Variants in NRG3 observed in about 807,000 individuals in gnomAD.
NRG3 encodes the protein pro-neuregulin-3, membrane-bound isoform.
Under a neutral mutation model 66.9 loss-of-function variants are expected in NRG3, and 31 were observed. That is an observed-to-expected ratio of 0.46 (90% CI 0.35 to 0.63). The LOEUF is 0.63. NRG3 is among the 20% of genes least tolerant of loss of function. The pLI is 0.00. For missense variants in NRG3, 910 were observed against 878.9 expected (o/e 1.04, Z -0.45); for synonymous variants, 393 against 359.4 (o/e 1.09, Z -1.06).
chr10:81,879,331 T>C (rs1225595236), intron 1 of NRG3, among the ~76,000 whole-genome samples: 1 of 152,226 alleles, frequency 6.6e-6, no homozygotes, highest in Non-Finnish European at 1.5e-5. Context: ...AGGAGGTCAC[T>C]ACAGACAGTA....
At chr10:82,801,564 G>A (rs973846777) in intron 3 of NRG3, among the ~76,000 whole-genome samples, 13 of 152,110 alleles carry the variant, frequency 8.5e-5, no homozygotes, top group African/African-American at 3.1e-4. Context: ...GGTATCCACA[G>A]AGTTCATAAT....
chr10:82,612,720 G>C (rs987811460), intron 2 of NRG3, among the ~76,000 whole-genome samples: 2 of 151,968 alleles, frequency 1.3e-5, no homozygotes, highest in Admixed American at 6.6e-5. Context: ...TTTCTTCTTA[G>C]ATTTGCTACA....
At chr10:82,008,182 G>A (rs188731467) in intron 1 of NRG3, among the ~76,000 whole-genome samples, 17 of 152,234 alleles carry the variant, frequency 1.1e-4, no homozygotes, top group Non-Finnish European at 2.2e-4. Flanking sequence ...CAATCCGATG[G>A]TTACTCTGAA....
intron 4 of NRG3, among the ~76,000 whole-genome samples, chr10:82,916,839 C>T (rs577103718): frequency 6.6e-6 from 1 of 152,304 alleles, no homozygotes; most frequent in Admixed American, 6.5e-5. Flanking sequence ...TGGTCACAAA[C>T]TCCTGACCTC....
chr10:82,918,349 G>T (rs1846089071), intron 4 of NRG3, among the ~76,000 whole-genome samples: 1 of 152,222 alleles, frequency 6.6e-6, no homozygotes, highest in Non-Finnish European at 1.5e-5. Context: ...CTAGAAGACT[G>T]TCAGCAGGTA....
chr10:82,698,120 T>C (rs1012077924), intron 2 of NRG3, among the ~76,000 whole-genome samples: 7 of 152,190 alleles, frequency 4.6e-5, no homozygotes, highest in Admixed American at 3.9e-4. Flanking sequence ...TTCCTACCTA[T>C]GGTGAAACAT....
At chr10:82,596,741 TG>T (rs1428559865) in intron 2 of NRG3, among the ~76,000 whole-genome samples, 34 of 152,188 alleles carry the variant, frequency 2.2e-4, no homozygotes, top group Non-Finnish European at 4.3e-4. Flanking sequence ...TAAGACAATC[TG>T]AGAGTGGAGG....
chr10:82,106,939 T>A (rs2067103821), intron 1 of NRG3, among the ~76,000 whole-genome samples: 1 of 152,172 alleles, frequency 6.6e-6, no homozygotes, highest in Non-Finnish European at 1.5e-5. Flanking sequence ...TTTAATATAG[T>A]CCCATTTGGT....
chr10:82,214,302 A>G (rs2075555320), intron 1 of NRG3, among the ~76,000 whole-genome samples: 1 of 152,128 alleles, frequency 6.6e-6, no homozygotes, highest in African/African-American at 2.4e-5. Context: ...AAGAGTAACT[A>G]TGGCCACCTT....
chr10:82,150,972 A>G (rs2070703358), intron 1 of NRG3, among the ~76,000 whole-genome samples: 1 of 152,242 alleles, frequency 6.6e-6, no homozygotes, highest in African/African-American at 2.4e-5. Context: ...CCTTGTTAGG[A>G]AAAAAGAAAA....
chr10:81,929,823 A>G (rs1200532441), intron 1 of NRG3, among the ~76,000 whole-genome samples: 1 of 152,240 alleles, frequency 6.6e-6, no homozygotes, highest in Non-Finnish European at 1.5e-5. Context: ...AGTCTACCAG[A>G]TGATTCTAAT....
intron 1 of NRG3, among the ~76,000 whole-genome samples, chr10:82,106,340 C>A (rs4140410): frequency 6.6e-6 from 1 of 151,968 alleles, no homozygotes; most frequent in Admixed American, 6.6e-5. Flanking sequence ...AAGTTAGACC[C>A]AGGAGGGTTC....
intron 2 of NRG3, among the ~76,000 whole-genome samples, chr10:82,359,960 C>T (rs1429181972): frequency 6.6e-6 from 1 of 152,146 alleles, no homozygotes; most frequent in African/African-American, 2.4e-5. Flanking sequence ...TATTGCCACA[C>T]TGAGCAATGG....
At chr10:82,553,591 A>G (rs1344229254) in intron 2 of NRG3, among the ~76,000 whole-genome samples, 1 of 152,052 alleles carries the variant, frequency 6.6e-6, no homozygotes, top group Non-Finnish European at 1.5e-5. Flanking sequence ...GGAGTCTTTA[A>G]GATGTTTGGA....
At chr10:81,936,884 G>A (rs1349561999) in intron 1 of NRG3, among the ~76,000 whole-genome samples, 2 of 152,140 alleles carry the variant, frequency 1.3e-5, no homozygotes, top group African/African-American at 4.8e-5. Flanking sequence ...ATCATGTCAT[G>A]TGTACAGTAC....
At chr10:82,952,425 CAAA>C (rs35502999) in intron 5 of NRG3, among the ~76,000 whole-genome samples, 3 of 104,564 alleles carry the variant, frequency 2.9e-5, no homozygotes, top group East Asian at 3.4e-4. Context: ...AGAGTTGTCT[CAAA>C]AAAAAAAAAA....
At chr10:82,832,607 T>C (rs574268418) in intron 3 of NRG3, among the ~76,000 whole-genome samples, 1 of 152,286 alleles carries the variant, frequency 6.6e-6, no homozygotes, top group East Asian at 1.9e-4. Flanking sequence ...TAACATTGCA[T>C]TGTTATTTAT....
At chr10:82,811,076 G>T (rs988925496) in intron 3 of NRG3, among the ~76,000 whole-genome samples, 2 of 151,932 alleles carry the variant, frequency 1.3e-5, no homozygotes, top group Non-Finnish European at 2.9e-5. Context: ...TTTTTCACTG[G>T]GGGCTCCTTT....
chr10:81,906,194 A>C (rs1844588556), intron 1 of NRG3, among the ~76,000 whole-genome samples: 1 of 152,078 alleles, frequency 6.6e-6, no homozygotes, highest in African/African-American at 2.4e-5. Context: ...AGTGTTGGCT[A>C]CTACTGCTGT....
Sources: gnomAD v4.1 joint callset for allele counts (sites outside exome capture counted in the v4.1 genomes callset) on GRCh38, gnomAD v4.1.1 for gene constraint, MANE v1.5 for transcripts, NCBI Gene and HGNC (gene_info 2026-07-23, HGNC 2026-07-21) for gene names.